GRM3: variants seen among roughly 807,000 people sequenced by gnomAD.
GRM3 encodes the protein glutamate metabotropic receptor 3, also known as metabotropic glutamate receptor 3.
GRM3 carries 26 observed loss-of-function variants against 70.5 expected under a neutral mutation model. That is an observed-to-expected ratio of 0.37 (90% CI 0.27 to 0.51). The LOEUF (loss-of-function observed/expected upper bound fraction) is 0.51, where lower values mean the gene tolerates loss of function less well. Among genes scored for constraint, GRM3 ranks in the 20% least tolerant of loss-of-function variants. The pLI is 0.93. For synonymous variants in GRM3, 443 were observed against 434.9 expected (o/e 1.02, Z -0.23); for missense variants, 859 against 1,123.8 (o/e 0.76, Z 3.37).
At chr7:86,743,277 G>A (rs990989896) in intron 1 of GRM3, among the ~76,000 whole-genome samples, 1 of 152,006 alleles carries the variant, frequency 6.6e-6, no homozygotes, top group Non-Finnish European at 1.5e-5. Context: ...TTGCAATAAG[G>A]ACTTTTTGGG....
intron 1 of GRM3, among the ~76,000 whole-genome samples, chr7:86,731,100 TACG>T (rs143186107): frequency 0.017 from 2,571 of 152,306 alleles, 69 homozygotes; most frequent in African/African-American, 0.058. Context: ...TTTCAATCAT[TACG>T]ACAAGCTTGA....
intron 1 of GRM3, among the ~76,000 whole-genome samples, chr7:86,761,957 T>C (rs1238517394): frequency 6.6e-6 from 1 of 152,164 alleles, no homozygotes; most frequent in Non-Finnish European, 1.5e-5. Flanking sequence ...CCAAACTTTC[T>C]TTACATTCAA....
At chr7:86,820,715 A>G (rs1219215071) in intron 3 of GRM3, among the ~76,000 whole-genome samples, 1 of 152,170 alleles carries the variant, frequency 6.6e-6, no homozygotes, top group Non-Finnish European at 1.5e-5. Context: ...ATTAAATGCT[A>G]GGCATTAGAG....
intron 3 of GRM3, among the ~76,000 whole-genome samples, chr7:86,799,605 C>T (rs1209121368): frequency 6.6e-6 from 1 of 152,136 alleles, no homozygotes; most frequent in African/African-American, 2.4e-5. Context: ...CCGCTCACTG[C>T]AAGCTCCGCC....
intron 1 of GRM3, among the ~76,000 whole-genome samples, chr7:86,679,929 CTTG>C (rs1360042560): frequency 2.6e-5 from 4 of 152,080 alleles, no homozygotes; most frequent in Admixed American, 2.6e-4. Flanking sequence ...TGTTTTCTTT[CTTG>C]TTGTTTACAA....
intron 1 of GRM3, among the ~76,000 whole-genome samples, chr7:86,745,570 C>A (rs1796082716): frequency 6.6e-6 from 1 of 152,106 alleles, no homozygotes. Flanking sequence ...CCTCCAATTA[C>A]AACATAATGT....
At chr7:86,856,816 CTT>C (rs1468658559) in intron 5 of GRM3, among the ~76,000 whole-genome samples, 1 of 152,160 alleles carries the variant, frequency 6.6e-6, no homozygotes, top group East Asian at 1.9e-4. Context: ...ATCATTCTCT[CTT>C]TATCTCTAAT....
At chr7:86,789,758 C>T (rs1797359535) in intron 3 of GRM3, among the ~76,000 whole-genome samples, 2 of 152,188 alleles carry the variant, frequency 1.3e-5, no homozygotes, top group Non-Finnish European at 2.9e-5. Context: ...TAGCTCTCAT[C>T]ATTATAGGAT....
intron 3 of GRM3, among the ~76,000 whole-genome samples, chr7:86,801,560 T>G (rs934335752): frequency 6.6e-6 from 1 of 152,154 alleles, no homozygotes; most frequent in Non-Finnish European, 1.5e-5. Context: ...CAGAGAATCT[T>G]TAGTATTCAG....
At chr7:86,812,301 A>G (rs1797925214) in intron 3 of GRM3, among the ~76,000 whole-genome samples, 1 of 151,822 alleles carries the variant, frequency 6.6e-6, no homozygotes, top group Admixed American at 6.6e-5. Flanking sequence ...TGGAGAGCTT[A>G]GTTAATTCTC....
chr7:86,699,481 T>C (rs1794902009), intron 1 of GRM3, among the ~76,000 whole-genome samples: 1 of 152,026 alleles, frequency 6.6e-6, no homozygotes, highest in Admixed American at 6.6e-5. Context: ...CACATATTGA[T>C]AAGAGCAATT....
Position 86,833,420 on chromosome 7 carries a change from A to T in GRM3, c.1325-5419A>T, listed in dbSNP as rs559685552. The stretch of plus-strand genomic sequence containing the variant: ...ATAATAATAATAATAATAATAAAGA[A>T]AAAAAAGAACTATACAACTGATTGT... On this transcript the variant is annotated intron_variant, in intron 3 of 5. Transcript: ENST00000361669. Among the ~76,000 whole-genome samples, 17 of 144,730 alleles carry T rather than the reference A, an allele frequency of 1.2e-4. No homozygotes were observed. In the South Asian group the frequency reaches 1.7e-3, roughly 14 times the overall value. 94.9% of individuals were successfully genotyped at this position (144,730 alleles called of 152,430 possible). A position where few individuals can be genotyped will look rare whatever the true frequency, so the allele number is the denominator to read the frequency against.
chr7:86,674,066 A>T (rs1232383498), intron 1 of GRM3, among the ~76,000 whole-genome samples: 1 of 152,140 alleles, frequency 6.6e-6, no homozygotes, highest in Non-Finnish European at 1.5e-5. Context: ...ACCAAAATGT[A>T]GCCATTTAAA....
At chr7:86,855,184 A>G (rs977648246) in intron 5 of GRM3, among the ~76,000 whole-genome samples, 29 of 152,322 alleles carry the variant, frequency 1.9e-4, no homozygotes, top group African/African-American at 5.8e-4. Context: ...GTTCCTAAGG[A>G]CAGGCAATCA....
chr7:86,696,362 T>C (rs1354171482), intron 1 of GRM3, among the ~76,000 whole-genome samples: 2 of 134,144 alleles, frequency 1.5e-5, no homozygotes, highest in African/African-American at 4.9e-5. Flanking sequence ...GTGACAATAG[T>C]AAAGATTGGG....
chr7:86,808,121 T>C (rs1419021485), intron 3 of GRM3, among the ~76,000 whole-genome samples: 1 of 152,206 alleles, frequency 6.6e-6, no homozygotes, highest in Non-Finnish European at 1.5e-5. Context: ...GATAAGCTTT[T>C]TGATGTGCTG....
intron 3 of GRM3, among the ~76,000 whole-genome samples, chr7:86,804,340 C>G (rs961414679): frequency 6.6e-6 from 1 of 152,212 alleles, no homozygotes; most frequent in African/African-American, 2.4e-5. Flanking sequence ...CAAGATTCAT[C>G]TGCTAATATT....
chr7:86,758,197 G>C (rs1037111587), intron 1 of GRM3, among the ~76,000 whole-genome samples: 1 of 152,118 alleles, frequency 6.6e-6, no homozygotes. Flanking sequence ...AAAAGGGACT[G>C]TATACATCTA....
At chr7:86,806,252 G>T (rs1261693176) in intron 3 of GRM3, among the ~76,000 whole-genome samples, 1 of 152,100 alleles carries the variant, frequency 6.6e-6, no homozygotes, top group Non-Finnish European at 1.5e-5. Flanking sequence ...ATAATCCTTT[G>T]TGTATATACC....
Sources: allele counts gnomAD v4.1 joint callset (sites outside exome capture counted in the v4.1 genomes callset), GRCh38; gene constraint gnomAD v4.1.1; transcripts MANE v1.5; gene names NCBI Gene and HGNC (gene_info 2026-07-23, HGNC 2026-07-21).